SLC7A2: variants seen among roughly 807,000 people sequenced by gnomAD.
The protein encoded by SLC7A2 is solute carrier family 7 member 2.
Under a neutral mutation model 58.9 loss-of-function variants are expected in SLC7A2, and 48 were observed. The observed-to-expected ratio is 0.82, with a 90% confidence interval of 0.65 to 1.04. The LOEUF (loss-of-function observed/expected upper bound fraction) is 1.04. Among genes scored for constraint, SLC7A2 ranks in the 50% least tolerant of loss-of-function variants. The pLI is 0.00. For synonymous variants in SLC7A2, 363 were observed against 314.5 expected (o/e 1.15, Z -1.63); for missense variants, 1,029 against 818.8 (o/e 1.26, Z -3.13).
intron 2 of SLC7A2, among the ~76,000 whole-genome samples, chr8:17,536,834 A>G (rs1465804322): frequency 6.6e-6 from 1 of 152,122 alleles, no homozygotes; most frequent in Non-Finnish European, 1.5e-5. Context: ...GACCTTCGCC[A>G]TTAGCTTCTG....
chr8:17,497,445 G>A (rs1044975902), intron 1 of SLC7A2, among the ~76,000 whole-genome samples: 3 of 152,172 alleles, frequency 2.0e-5, no homozygotes, highest in Non-Finnish European at 4.4e-5. Context: ...GGGGCCGTGG[G>A]CTGGGGCTGA....
intron 2 of SLC7A2, among the ~76,000 whole-genome samples, chr8:17,503,422 T>G (rs922523057): frequency 1.3e-5 from 2 of 152,192 alleles, no homozygotes; most frequent in African/African-American, 2.4e-5. Flanking sequence ...AGTTTTTTCC[T>G]TCCTGAAATT....
rs1459944045 is a variant in SLC7A2 at position 17,555,557 on chromosome 8, T to G, written c.1195+858T>G. Among the ~76,000 whole-genome samples, 2 of 151,788 alleles carry G rather than the reference T, an allele frequency of 1.3e-5. 1 individual carries two copies. Among genetic ancestry groups the G allele is most frequent in the African/African-American group, 4.9e-5 (2 of 41,120 alleles). On this transcript the variant is annotated intron_variant, in intron 8 of 12. Coordinates refer to ENST00000494857, the MANE Select transcript of SLC7A2 (RefSeq NM_001370338.1). ...AGGGTAAATTAAGCTTTACCCATTA[T>G]TAATAAGAAATATTCAAGATGATTT...
chr8:17,554,452 C>A, intron 7 of SLC7A2, 108 bp from the exon 8 acceptor site: 1 of 864,362 alleles, frequency 1.2e-6, no homozygotes, highest in South Asian at 3.3e-5. Flanking sequence ...AATATGACTT[C>A]ATAATTACAA....
chr8:17,540,079 C>T (rs577700296), intron 2 of SLC7A2, among the ~76,000 whole-genome samples: 2 of 152,254 alleles, frequency 1.3e-5, no homozygotes, highest in East Asian at 1.9e-4. Context: ...TCGACAAAAG[C>T]ATATTTTACA....
chr8:17,511,498 T>G (rs1800602709), intron 2 of SLC7A2, among the ~76,000 whole-genome samples: 1 of 152,322 alleles, frequency 6.6e-6, no homozygotes, highest in East Asian at 1.9e-4. Context: ...TTGATTTGAA[T>G]TAGACTAATA....
chr8:17,543,250 G>C (rs1049586673), intron 2 of SLC7A2, 68 bp from the exon 3 acceptor site: 5 of 1,413,674 alleles, frequency 3.5e-6, no homozygotes, highest in African/African-American at 1.4e-5. Flanking sequence ...ATTGTGCCTG[G>C]AAGCTAGGTT....
chr8:17,498,282 G>T (rs1800028272), intron 1 of SLC7A2, among the ~76,000 whole-genome samples: 1 of 152,154 alleles, frequency 6.6e-6, no homozygotes, highest in Non-Finnish European at 1.5e-5. Flanking sequence ...ATCCAGGGCC[G>T]CCTGGGTTAT....
chr8:17,564,736 G>A (rs1216852472), intron 12 of SLC7A2, among the ~76,000 whole-genome samples: 2 of 152,126 alleles, frequency 1.3e-5, no homozygotes, highest in East Asian at 1.9e-4. Flanking sequence ...TAAATACACT[G>A]TAAATACTAG....
intron 2 of SLC7A2, among the ~76,000 whole-genome samples, chr8:17,524,407 TG>T: frequency 2.1e-5 from 1 of 47,384 alleles, no homozygotes; most frequent in South Asian, 4.3e-4. Context: ...TATACATATA[TG>T]TGTGTGTGTG....
chr8:17,507,059 C>G (rs1490889560), intron 2 of SLC7A2, among the ~76,000 whole-genome samples: 1 of 151,936 alleles, frequency 6.6e-6, no homozygotes, highest in South Asian at 2.1e-4. Context: ...ATTCCCCTGC[C>G]TCAGCCTCCC....
At chr8:17,507,175 G>C (rs943004827) in intron 2 of SLC7A2, among the ~76,000 whole-genome samples, 1 of 152,058 alleles carries the variant, frequency 6.6e-6, no homozygotes, top group Admixed American at 6.6e-5. Context: ...TTGATCTGCT[G>C]ACCTTGTGAT....
chr8:17,560,972 G>C (rs1802951280), intron 10 of SLC7A2, among the ~76,000 whole-genome samples: 1 of 152,112 alleles, frequency 6.6e-6, no homozygotes. Context: ...TGTGTGTCAG[G>C]CACTCCACTG....
chr8:17,543,887 T>A (rs981823553), intron 3 of SLC7A2, among the ~76,000 whole-genome samples, 172 bp downstream of exon 3: 7 of 152,080 alleles, frequency 4.6e-5, no homozygotes, highest in African/African-American at 1.7e-4. Flanking sequence ...GGGTTTTTTT[T>A]AAGACAGTCT....
chr8:17,523,599 T>C lies in SLC7A2; in HGVS notation c.-22-19719T>C, dbSNP rs192680786. Among the ~76,000 whole-genome samples, 178 of 151,768 alleles carry C rather than the reference T, an allele frequency of 1.2e-3. 2 individuals carry two copies. Among genetic ancestry groups the C allele is most frequent in the African/African-American group, 4.0e-3 (165 of 41,540 alleles). On this transcript the variant is annotated intron_variant, in intron 2 of 12. Coordinates refer to ENST00000494857, the MANE Select transcript of SLC7A2 (RefSeq NM_001370338.1). ...AACTGGATCCTCATCTCTCAACTTA[T>C]ACAAAAATTAGCTCAAGATGGATCA... is the stretch of plus-strand genomic sequence containing the variant.
At chr8:17,538,727 G>C in intron 2 of SLC7A2, 1 of 1,461,796 alleles carries the variant, frequency 6.8e-7, no homozygotes, top group Non-Finnish European at 9.3e-7. Flanking sequence ...AAACAGTATG[G>C]TAAAGATCCC....
At chr8:17,532,257 AAAC>A (rs1258235731) in intron 2 of SLC7A2, among the ~76,000 whole-genome samples, 699 of 37,754 alleles carry the variant, frequency 0.019, 74 homozygotes, top group Non-Finnish European at 0.039. Context: ...AAAAAAAAAA[AAAC>A]CCCAGCAATT....
chr8:17,532,073 C>T (rs1801472159), intron 2 of SLC7A2, among the ~76,000 whole-genome samples: 1 of 151,188 alleles, frequency 6.6e-6, no homozygotes. Context: ...ACTAAAAAAG[C>T]TACAAAAATT....
upstream of SLC7A2, among the ~76,000 whole-genome samples, chr8:17,496,517 T>C (rs1380805854): frequency 6.6e-6 from 1 of 152,122 alleles, no homozygotes; most frequent in Non-Finnish European, 1.5e-5. Flanking sequence ...CTTGCTCCCC[T>C]GGAAATAATG....
Sources: allele counts gnomAD v4.1 joint callset (sites outside exome capture counted in the v4.1 genomes callset), GRCh38; gene constraint gnomAD v4.1.1; transcripts MANE v1.5; gene names NCBI Gene and HGNC (gene_info 2026-07-23, HGNC 2026-07-21).